ZSCAN10: variants seen among roughly 807,000 people sequenced by gnomAD.
ZSCAN10 encodes zinc finger and SCAN domain-containing protein 10.
ZSCAN10 carries 52 observed loss-of-function variants against 63.7 expected under a neutral mutation model. The ratio of observed to expected loss-of-function variants is 0.82; its 90% CI spans 0.65 to 1.03. The LOEUF is 1.03. ZSCAN10 is among the 50% of genes least tolerant of loss of function. ZSCAN10 has a pLI of 0.00. For missense variants in ZSCAN10, 1,223 were observed against 1,103.8 expected, an observed-to-expected ratio of 1.11 and a Z score of -1.53; for synonymous variants, 544 against 479.6, an observed-to-expected ratio of 1.13 and a Z score of -1.76.
chr16:3,098,167 A>G (rs1407912481), intron 1 of ZSCAN10, among the ~76,000 whole-genome samples: 1 of 152,172 alleles, frequency 6.6e-6, no homozygotes, highest in Non-Finnish European at 1.5e-5. Context: ...CAAAATAACA[A>G]GAAAACTAAT....
intron 1 of ZSCAN10, among the ~76,000 whole-genome samples, chr16:3,098,742 G>A (rs1342461874): frequency 6.6e-6 from 1 of 152,238 alleles, no homozygotes; most frequent in African/African-American, 2.4e-5. Context: ...TGGAGCCCGG[G>A]GTGGAGGTGC....
At chr16:3,091,136 C>T (rs1957068833) in intron 5 of ZSCAN10, among the ~76,000 whole-genome samples, 1 of 150,572 alleles carries the variant, frequency 6.6e-6, no homozygotes, top group African/African-American at 2.5e-5. Flanking sequence ...ACAAGGGTGC[C>T]CTTTTATTTG....
In ZSCAN10 at chr16:3,089,581, G is replaced by C; in HGVS notation, c.1853C>G (p.Thr618Ser). 6.3e-7 allele frequency: 1 copy of C among 1,587,672 alleles called. No individual in the cohort carries two copies. The highest frequency in any genetic ancestry group is 1.1e-5 in the South Asian group (1 of 88,202). The change falls in exon 6 of 6, where the codon ACC becomes AGC. Residue 618 changes from threonine (T) to serine (S), a missense_variant. Transcript: ENST00000576985. ...GCGCTGGTGGCGGGCCAGATCCTGG[G>C]TCTGGCCGAAACTCTTCCCGCACTG... is the stretch of plus-strand genomic sequence containing the variant. ...CTQCGKSFGQ[T>S]QDLARHQRSH...
rs551424392 is a variant in ZSCAN10 at position 3,094,604 on chromosome 16, C to T, written c.-67-1600G>A. The stretch of plus-strand genomic sequence containing the variant: ...AGGTGATCCGCCCGCTTCGGTCTCC[C>T]AAAGTACTGGGATTACAGGCATGAA... On this transcript the variant is annotated intron_variant, in intron 1 of 5. Transcript: ENST00000576985. 5.9e-5 allele frequency among the ~76,000 whole-genome samples: 9 copies of T among 152,292 alleles called. No homozygotes were observed. The East Asian group carries it at 1.7e-3, about 29-fold the overall frequency.
intron 1 of ZSCAN10, among the ~76,000 whole-genome samples, chr16:3,097,222 G>T (rs1055163987): frequency 5.4e-5 from 8 of 148,962 alleles, no homozygotes; most frequent in Non-Finnish European, 1.0e-4. Context: ...ACCTCCTCAG[G>T]TGGGGTGGTG....
Position 3,089,691 on chromosome 16 carries a change from C to A in ZSCAN10, c.1743G>T (p.Pro581=), listed in dbSNP as rs745453332. The A allele has an allele frequency of 6.2e-7, 1 of 1,603,622 alleles. No individual in the cohort carries two copies. Among genetic ancestry groups the A allele is most frequent in the Admixed American group, 1.7e-5 (1 of 59,332 alleles). Residue 581 remains proline, a synonymous_variant, in exon 6 of 6, where the codon CCG becomes CCT. Transcript: ENST00000576985. ...VHTGEKPYAC[P]QCGKRFVRRA... Reference sequence around the variant, plus strand: ...GGCGCACAAAGCGCTTCCCGCACTGCGGACAGGCGTAGGGCTTCTCGCCCG... The same window carrying A: ...GGCGCACAAAGCGCTTCCCGCACTGAGGACAGGCGTAGGGCTTCTCGCCCG...
Position 3,089,903 on chromosome 16 carries a change from C to T in ZSCAN10, c.1531G>A (p.Gly511Ser), listed in dbSNP as rs1188714766. Residue 511 changes from glycine to serine, a missense_variant, in exon 6 of 6, where the codon GGC (glycine) becomes AGC (serine). Physicochemically the swap from Gly to Ser is moderately conservative, Grantham distance 56 (BLOSUM62 0). Coordinates refer to ENST00000576985, the MANE Select transcript of ZSCAN10 (RefSeq NM_032805.3). ...CGGTCGGAGTCCCGGCGGCGGCTGCCGGAGCCTTCGGAGGACCGGCGGTCC... is the reference window on the plus strand; with the variant it reads ...CGGTCGGAGTCCCGGCGGCGGCTGCTGGAGCCTTCGGAGGACCGGCGGTCC... ...DKDRRSSEGS[G>S]SRRRDSDRRP... 2.6e-6 allele frequency: 4 copies of T among 1,534,908 alleles called. No individual in the cohort carries two copies. The African/African-American group carries it at 4.1e-5, about 16-fold the overall frequency.
intron 4 of ZSCAN10, 41 bp downstream of exon 4, chr16:3,091,723 T>G (rs1429968814): frequency 6.3e-7 from 1 of 1,586,930 alleles, no homozygotes; most frequent in African/African-American, 1.3e-5. Flanking sequence ...GTAGAGAAGT[T>G]CCTGGGGCTT....
chr16:3,094,602 C>G (rs895687470), intron 1 of ZSCAN10, among the ~76,000 whole-genome samples: 18 of 152,182 alleles, frequency 1.2e-4, no homozygotes, highest in African/African-American at 4.1e-4. Flanking sequence ...GCTTCGGTCT[C>G]CCAAAGTACT....
Position 3,090,627 on chromosome 16 carries a change from T to G in ZSCAN10, c.807A>C (p.Pro269=). 1 of 1,546,102 alleles carries G rather than the reference T, an allele frequency of 6.5e-7. No individual in the cohort carries two copies. Among genetic ancestry groups the G allele is most frequent in the Non-Finnish European group, 8.7e-7 (1 of 1,146,206 alleles). The stretch of plus-strand genomic sequence containing the variant: ...CTTCTTGTTTAAATTCCTCCTTGTC[T>G]GGGGTTCTGCTTCCGAATCCTGGGA... ...AHPLGFGSRT[P]DKEEFKQEEP... is the part of the protein sequence containing the mutation. Residue 269 remains proline (P), a synonymous_variant, in exon 6 of 6, where the codon CCA becomes CCC. Coordinates refer to ENST00000576985, the MANE Select transcript of ZSCAN10 (RefSeq NM_032805.3).
chr16:3,094,701 A>G (rs566751983), intron 1 of ZSCAN10, among the ~76,000 whole-genome samples: 47 of 152,162 alleles, frequency 3.1e-4, no homozygotes, highest in African/African-American at 1.0e-3. Context: ...GGAATATGGA[A>G]CAAGTCAGAC....
intron 5 of ZSCAN10, among the ~76,000 whole-genome samples, chr16:3,091,081 A>T: frequency 1.3e-5 from 2 of 151,856 alleles, no homozygotes; most frequent in East Asian, 3.9e-4. Context: ...AAACAAACAA[A>T]CAAACAAAAA....
At chr16:3,098,664 G>C (rs748752645) in intron 1 of ZSCAN10, among the ~76,000 whole-genome samples, 1 of 152,150 alleles carries the variant, frequency 6.6e-6, no homozygotes, top group Non-Finnish European at 1.5e-5. Flanking sequence ...ACCTCTGTTG[G>C]GGGTGGGCTG....
rs1490770948 is a variant in ZSCAN10 at position 3,092,766 on chromosome 16, G to T, written c.172C>A (p.Pro58Thr). ...RCFQYQEDMG[P>T]RASLSRLREL... ...CGGAGCCGGCTCAGGGACGCCCGTG[G>T]CCCCATGTCCTCCTGATACTGGAAG... Residue 58 changes from proline to threonine, a missense_variant, in exon 2 of 6, where the codon CCA (proline) becomes ACA (threonine). Pro to Thr is a conservative substitution (Grantham distance 38). Transcript: ENST00000576985. 1 of 1,604,978 alleles carries T rather than the reference G, an allele frequency of 6.2e-7. No homozygotes were observed. Among genetic ancestry groups the T allele is most frequent in the Admixed American group, 1.7e-5 (1 of 58,536 alleles).
At chr16:3,098,901 G>A (rs774070998) in intron 1 of ZSCAN10, among the ~76,000 whole-genome samples, 9 of 152,232 alleles carry the variant, frequency 5.9e-5, no homozygotes, top group Non-Finnish European at 1.3e-4. Context: ...CCCTCCGCGT[G>A]CTGGGCTGAG....
At chr16:3,091,981 C>G in intron 3 of ZSCAN10, 68 bp downstream of exon 3, 2 of 1,562,052 alleles carry the variant, frequency 1.3e-6, no homozygotes, top group Non-Finnish European at 1.7e-6. Context: ...CACTTCTCAC[C>G]CCACCCCAGA....
chr16:3,092,035 C>T lies in ZSCAN10; in HGVS notation c.664+14G>A. The T allele has an allele frequency of 1.3e-6, 2 of 1,551,912 alleles. No individual in the cohort carries two copies. Among genetic ancestry groups the T allele is most frequent in the Non-Finnish European group, 1.7e-6 (2 of 1,149,050 alleles). On this transcript the variant is annotated intron_variant, in intron 3 of 5. Transcript: ENST00000576985. ...ACACCCAGTCCTTGGCCTCCTAGGG[C>T]ACAAGCTCCTCACTGCTTTCTTGCA... is the stretch of plus-strand genomic sequence containing the variant.
chr16:3,091,500 G>A lies in ZSCAN10; in HGVS notation c.787+40C>T, dbSNP rs367916220. The A allele has an allele frequency of 2.5e-4, 401 of 1,605,100 alleles. 2 individuals carry two copies. The highest frequency in any genetic ancestry group is 3.0e-4 in the Non-Finnish European group (348 of 1,171,974). On this transcript the variant is annotated intron_variant, in intron 5 of 5. Transcript: ENST00000576985. ...TCTTTAAAAAAGACAAGAAAAGAAA[G>A]AGGCATCAGTGGTCACTTCTCCAGG...
rs754311808 is a variant in ZSCAN10, at chr16:3,092,854, T to C, written c.84A>G (p.Pro28=). ...VKLEEEEAVS[P]EDPRRPESRL... ...TGGACTCTGGTCGCCTGGGGTCCTCTGGGCTGACAGCCTCCTCCTCCTCCA... is the reference window on the plus strand; with the variant it reads ...TGGACTCTGGTCGCCTGGGGTCCTCCGGGCTGACAGCCTCCTCCTCCTCCA... Residue 28 remains proline (P), a synonymous_variant, in exon 2 of 6, where the codon CCA becomes CCG. Transcript: ENST00000576985. 1.7e-4 allele frequency: 255 copies of C among 1,459,830 alleles called. 1 individual carries two copies. The highest frequency in any genetic ancestry group is 6.7e-4 in the South Asian group (47 of 70,098). The allele number at this position is 1,459,830 out of a possible 1,614,324, so 90.4% of individuals were successfully genotyped here.
Sources: allele counts gnomAD v4.1 joint callset (sites outside exome capture counted in the v4.1 genomes callset), GRCh38; gene constraint gnomAD v4.1.1; transcripts MANE v1.5; gene names NCBI Gene and HGNC (gene_info 2026-07-23, HGNC 2026-07-21).